POLB: variants seen among roughly 807,000 people sequenced by gnomAD.
POLB encodes the protein 5'-dRP lyase.
Under a neutral mutation model 52.7 loss-of-function variants are expected in POLB, and 37 were observed. The observed-to-expected ratio is 0.70, with a 90% CI of 0.54 to 0.92. The LOEUF (loss-of-function observed/expected upper bound fraction) is 0.92, where lower values mean the gene tolerates loss of function less well. POLB is among the 40% of genes least tolerant of loss of function. The pLI, the probability that POLB is intolerant of heterozygous loss-of-function variation, is 0.00. For missense variants in POLB, 313 were observed against 400.8 expected, an observed-to-expected ratio of 0.78 and a Z score of 1.87; for synonymous variants, 138 against 131.3, an observed-to-expected ratio of 1.05 and a Z score of -0.35.
chr8:42,358,143 G>A (rs866667925), intron 9 of POLB, among the ~76,000 whole-genome samples: 1 of 152,156 alleles, frequency 6.6e-6, no homozygotes, highest in Non-Finnish European at 1.5e-5. Flanking sequence ...TGTGAGCAAA[G>A]TAAGAACCAT....
At chr8:42,354,895 A>G (rs2130814821) in intron 6 of POLB, among the ~76,000 whole-genome samples, 1 of 152,208 alleles carries the variant, frequency 6.6e-6, no homozygotes, top group African/African-American at 2.4e-5. Context: ...GTGCTAATGG[A>G]ATGAAAGAGT....
intron 11 of POLB, among the ~76,000 whole-genome samples, chr8:42,363,476 C>T (rs1476648532): frequency 2.9e-5 from 4 of 136,650 alleles, no homozygotes; most frequent in Non-Finnish European, 4.6e-5. Flanking sequence ...TGCACTGAGC[C>T]GAGATCGCAC....
intron 13 of POLB, among the ~76,000 whole-genome samples, chr8:42,370,502 T>G (rs1824315840): frequency 6.6e-6 from 1 of 151,558 alleles, no homozygotes; most frequent in Admixed American, 6.6e-5. Flanking sequence ...TTTTTGTCAT[T>G]TTGTCCTCAA....
At chr8:42,364,564 A>G (rs1053106045) in intron 11 of POLB, among the ~76,000 whole-genome samples, 7 of 152,056 alleles carry the variant, frequency 4.6e-5, no homozygotes, top group African/African-American at 1.7e-4. Flanking sequence ...GTGTTCTGTC[A>G]CTTATATACA....
intron 9 of POLB, among the ~76,000 whole-genome samples, chr8:42,358,744 G>A (rs986338674): frequency 1.3e-5 from 2 of 152,048 alleles, no homozygotes; most frequent in Non-Finnish European, 2.9e-5. Context: ...ATTGGACTGG[G>A]GTCAAAAGAC....
intron 10 of POLB, among the ~76,000 whole-genome samples, chr8:42,361,987 G>C (rs1823722836): frequency 6.6e-6 from 1 of 152,190 alleles, no homozygotes; most frequent in South Asian, 2.1e-4. Context: ...AGATGGCCGG[G>C]CACGGTGGCT....
chr8:42,339,040 C>T lies in POLB; in HGVS notation c.90C>T (p.Ser30=), dbSNP rs535538720. ...TCGCAAACTTTGAGAAGAACGTGAG[C>T]CAAGCTATCCACAAGTACAATGCTT... ...TELANFEKNV[S]QAIHKYNAYR... Residue 30 remains serine, a synonymous_variant, in exon 2 of 14, where the codon AGC becomes AGT. Transcript: ENST00000265421. The T allele has an allele frequency of 2.8e-5, 45 of 1,613,792 alleles. No homozygotes were observed. Among genetic ancestry groups the T allele is most frequent in the Non-Finnish European group, 3.3e-5 (39 of 1,179,792 alleles).
chr8:42,348,466 G>A (rs1054060998), intron 3 of POLB, among the ~76,000 whole-genome samples: 3 of 152,180 alleles, frequency 2.0e-5, no homozygotes, highest in Admixed American at 2.0e-4. Flanking sequence ...CAGTTCCAGA[G>A]CAGCGCTTCT....
intron 2 of POLB, among the ~76,000 whole-genome samples, chr8:42,344,498 T>C (rs988167722): frequency 3.3e-5 from 5 of 150,848 alleles, no homozygotes; most frequent in Admixed American, 3.3e-4. Context: ...AGACATATAT[T>C]AGGTGGTCTG....
intron 7 of POLB, among the ~76,000 whole-genome samples, chr8:42,355,952 C>T (rs374805861): frequency 1.3e-5 from 2 of 151,922 alleles, no homozygotes; most frequent in Admixed American, 6.6e-5. Flanking sequence ...TTATAGTCTA[C>T]CCGAGAAGGT....
chr8:42,343,178 C>G (rs1822322481), intron 2 of POLB, among the ~76,000 whole-genome samples: 1 of 151,200 alleles, frequency 6.6e-6, no homozygotes, highest in African/African-American at 2.4e-5. Context: ...AAAAATTAGC[C>G]AGGCGTGGTG....
chr8:42,355,349 C>G (rs1300375959), intron 6 of POLB, 167 bp from the exon 7 acceptor site: 2 of 566,376 alleles, frequency 3.5e-6, no homozygotes, highest in Middle Eastern at 3.1e-4. Flanking sequence ...TGAAGAGTCA[C>G]TTTTATCTAG....
rs1200597845 is a variant in POLB at position 42,338,748 on chromosome 8, C to T, written c.61+63C>T. 26 of 1,493,110 alleles carry T rather than the reference C, an allele frequency of 1.7e-5. 1 individual carries two copies. The East Asian group carries it at 5.2e-4, about 30-fold the overall frequency. 92.5% of individuals were successfully genotyped at this position (1,493,110 alleles called of 1,614,324 possible). On this transcript the variant is annotated intron_variant, in intron 1 of 13. Coordinates refer to ENST00000265421, the MANE Select transcript of POLB (RefSeq NM_002690.3). The stretch of plus-strand genomic sequence containing the variant: ...CCTTCCAGCCTCTTCCCCTGCCTTC[C>T]TTCTCTCCCACACCGACAGTCCAGT...
intron 12 of POLB, 82 bp downstream of exon 12, chr8:42,369,417 T>G: frequency 1.2e-6 from 1 of 804,456 alleles, no homozygotes; most frequent in Non-Finnish European, 2.1e-6. Flanking sequence ...ATCTTGGAGT[T>G]CACATTCATA....
At chr8:42,355,473 AG>A in intron 6 of POLB, 42 bp from the exon 7 acceptor site, 1 of 1,111,480 alleles carries the variant, frequency 9.0e-7, no homozygotes, top group South Asian at 1.4e-5. Flanking sequence ...CCCCCCAAAA[AG>A]CATTTAAATT....
intron 6 of POLB, among the ~76,000 whole-genome samples, chr8:42,354,764 G>A (rs991324100): frequency 3.9e-5 from 6 of 151,936 alleles, no homozygotes; most frequent in Admixed American, 3.9e-4. Flanking sequence ...GGCTGGTCTC[G>A]AACTCCTGAC....
At chr8:42,341,798 G>A in intron 2 of POLB, 1 of 503,762 alleles carries the variant, frequency 2.0e-6, no homozygotes. Context: ...CTGAGCCGTG[G>A]GGAAGCTTGC....
At chr8:42,346,384 CTTTT>C (rs549901516) in intron 3 of POLB, among the ~76,000 whole-genome samples, 1 of 136,992 alleles carries the variant, frequency 7.3e-6, no homozygotes, top group Admixed American at 7.3e-5. Context: ...TTTCTTTTTT[CTTTT>C]TTTTTTTTTG....
chr8:42,356,663 G>C (rs1421432559), intron 7 of POLB, among the ~76,000 whole-genome samples: 2 of 151,118 alleles, frequency 1.3e-5, no homozygotes, highest in Non-Finnish European at 2.9e-5. Context: ...CTACGGATTT[G>C]CCTATTCTGG....
Sources: allele counts gnomAD v4.1 joint callset (sites outside exome capture counted in the v4.1 genomes callset), GRCh38; gene constraint gnomAD v4.1.1; transcripts MANE v1.5; gene names NCBI Gene and HGNC (gene_info 2026-07-23, HGNC 2026-07-21).